MEGF11: variants seen among roughly 807,000 people sequenced by gnomAD.
MEGF11 encodes multiple EGF like domains 11.
In MEGF11, 126 loss-of-function variants were observed where a neutral mutation model predicts 146.6. That is an observed-to-expected ratio of 0.86 (90% confidence interval 0.74 to 1.00). MEGF11 has a LOEUF of 1.00. MEGF11 is among the 50% of genes least tolerant of loss of function. MEGF11 has a pLI of 0.00. For missense variants in MEGF11, 1,509 were observed against 1,521.2 expected, an observed-to-expected ratio of 0.99 and a Z score of 0.13; for synonymous variants, 532 against 583.4, an observed-to-expected ratio of 0.91 and a Z score of 1.27.
intron 1 of MEGF11, among the ~76,000 whole-genome samples, chr15:66,158,805 C>T (rs1400752549): frequency 1.3e-5 from 2 of 152,242 alleles, no homozygotes; most frequent in Admixed American, 1.3e-4. Flanking sequence ...CTTCCAAGGC[C>T]TGTTTCCATA....
chr15:66,161,164 G>T (rs143988595), intron 1 of MEGF11, among the ~76,000 whole-genome samples: 68 of 152,318 alleles, frequency 4.5e-4, no homozygotes, highest in Non-Finnish European at 8.1e-4. Context: ...GAAGTCAGAT[G>T]GGATCAGATG....
intron 5 of MEGF11, among the ~76,000 whole-genome samples, chr15:65,986,792 C>CTTTTTT (rs1491353062): frequency 4.3e-4 from 58 of 134,004 alleles, no homozygotes; most frequent in African/African-American, 1.4e-3. Flanking sequence ...GCTGATTTTT[C>CTTTTTT]CTTTTTTTTT....
intron 1 of MEGF11, among the ~76,000 whole-genome samples, chr15:66,133,320 GT>G (rs2088736744): frequency 6.6e-6 from 1 of 152,220 alleles, no homozygotes; most frequent in Non-Finnish European, 1.5e-5. Flanking sequence ...TGGGGACTGG[GT>G]GTTCCAGACG....
intron 1 of MEGF11, among the ~76,000 whole-genome samples, chr15:66,217,830 T>C (rs191391005): frequency 4.1e-4 from 63 of 152,254 alleles, no homozygotes; most frequent in Middle Eastern, 6.8e-3. Flanking sequence ...CCAGGAACCA[T>C]CCAGAAAGCT....
At chr15:66,203,239 A>G (rs2091214658) in intron 1 of MEGF11, among the ~76,000 whole-genome samples, 1 of 152,204 alleles carries the variant, frequency 6.6e-6, no homozygotes, top group Non-Finnish European at 1.5e-5. Flanking sequence ...GAGGTCGGAG[A>G]GCATCGGGCC....
intron 4 of MEGF11, among the ~76,000 whole-genome samples, chr15:66,111,206 C>G (rs1439323599): frequency 6.6e-6 from 1 of 152,150 alleles, no homozygotes; most frequent in African/African-American, 2.4e-5. Context: ...CAGGTGAAAG[C>G]GCCGGCTAAA....
intron 1 of MEGF11, among the ~76,000 whole-genome samples, chr15:66,152,765 G>A (rs1027404337): frequency 1.3e-5 from 2 of 152,250 alleles, no homozygotes; most frequent in East Asian, 1.9e-4. Context: ...GCACATGGCC[G>A]GATGGCAGTG....
rs373793085 is a variant in MEGF11 at position 65,915,547 on chromosome 15, A to G, written c.2396T>C (p.Met799Thr). Residue 799 changes from methionine (M) to threonine (T), a missense_variant, in exon 19 of 26, where the codon ATG (methionine) becomes ACG (threonine). Transcript: ENST00000395614. The stretch of plus-strand genomic sequence containing the variant: ...GACATGGTCACAGGTGGAGTTGTTC[A>G]TGCACTCACATAGCTGCTGACACCC... ...GYGCQQLCEC[M>T]NNSTCDHVTG... The G allele has an allele frequency of 1.9e-6, 3 of 1,613,818 alleles. No individual in the cohort carries two copies. The highest frequency in any genetic ancestry group is 1.3e-5 in the African/African-American group (1 of 74,908).
At chr15:66,153,302 C>T (rs1240801757) in intron 1 of MEGF11, among the ~76,000 whole-genome samples, 3 of 152,294 alleles carry the variant, frequency 2.0e-5, no homozygotes, top group East Asian at 3.9e-4. Flanking sequence ...GGGCCAGGCG[C>T]GGTGGCTCAC....
At chr15:66,047,141 C>T (rs1038998487) in intron 5 of MEGF11, among the ~76,000 whole-genome samples, 2 of 152,220 alleles carry the variant, frequency 1.3e-5, no homozygotes, top group Non-Finnish European at 2.9e-5. Flanking sequence ...AAACACCCTC[C>T]CCACAGATGA....
intron 5 of MEGF11, among the ~76,000 whole-genome samples, chr15:65,993,103 C>T (rs373686036): frequency 1.3e-5 from 2 of 152,202 alleles, no homozygotes; most frequent in Non-Finnish European, 2.9e-5. Context: ...CCTGCGCTCC[C>T]GGCAGGAGCA....
intron 5 of MEGF11, among the ~76,000 whole-genome samples, chr15:66,037,806 C>T (rs778750259): frequency 3.3e-5 from 5 of 152,220 alleles, no homozygotes; most frequent in African/African-American, 4.8e-5. Context: ...ACAATGTCCT[C>T]GCCAGTCTGG....
At chr15:66,178,411 A>C (rs1173245943) in intron 1 of MEGF11, among the ~76,000 whole-genome samples, 1 of 152,034 alleles carries the variant, frequency 6.6e-6, no homozygotes, top group Admixed American at 6.5e-5. Context: ...TCTAAATGAA[A>C]ACTTGCTCTT....
At position 65,897,682 on chromosome 15, in the gene MEGF11, C is replaced by G. The variant is rs1013624828; in HGVS notation, c.*252G>C. The stretch of plus-strand genomic sequence containing the variant: ...AGCTGATGTTGATGAGTAGCTGTAT[C>G]TTAAAATGTTTTAAAAATCATATAA... On this transcript the variant is annotated 3_prime_UTR_variant, in exon 26 of 26. Transcript: ENST00000395614. 1.3e-5 allele frequency: 4 copies of G among 312,844 alleles called. No homozygotes were observed. The Admixed American group carries it at 1.4e-4, about 11-fold the overall frequency. The allele number at this position is 312,844 out of a possible 1,614,324, so 19.4% of individuals were successfully genotyped here. A position where few individuals can be genotyped will look rare whatever the true frequency, so the allele number is the denominator to read the frequency against.
chr15:66,197,508 C>T (rs1448190414), intron 1 of MEGF11, among the ~76,000 whole-genome samples: 4 of 152,114 alleles, frequency 2.6e-5, no homozygotes, highest in Non-Finnish European at 2.9e-5. Flanking sequence ...CTACAACCTC[C>T]GCCTCCCGGG....
In MEGF11 at chr15:66,123,905, C is replaced by G; in HGVS notation, c.194G>C (p.Arg65Thr). 6.2e-7 allele frequency: 1 copy of G among 1,613,428 alleles called. No individual in the cohort carries two copies. Among genetic ancestry groups the G allele is most frequent in the South Asian group, 1.1e-5 (1 of 91,074 alleles). ...TDILNWFKCT[R>T]HRISYKTAYR... ...ATCTGAGAGAGGTACTCACCGGTGCCTGGTGCACTTGAACCAGTTGAGGAT... is the reference window on the plus strand; with the variant it reads ...ATCTGAGAGAGGTACTCACCGGTGCGTGGTGCACTTGAACCAGTTGAGGAT... Residue 65 changes from arginine (R) to threonine (T), a missense_variant, in exon 3 of 26, where the codon AGG becomes ACG. Coordinates refer to ENST00000395614, the MANE Select transcript of MEGF11 (RefSeq NM_001385028.1).
chr15:65,997,621 T>C (rs77671369), intron 5 of MEGF11, among the ~76,000 whole-genome samples: 10 of 152,382 alleles, frequency 6.6e-5, no homozygotes, highest in African/African-American at 2.4e-4. Flanking sequence ...TCCTTTTGTT[T>C]ACTGTCTGGG....
At chr15:65,922,158 T>TTAGG (rs2079191404) in intron 15 of MEGF11, 180 bp downstream of exon 15, 4 of 673,238 alleles carry the variant, frequency 5.9e-6, no homozygotes, top group Non-Finnish European at 1.0e-5. Flanking sequence ...GTTAACTGTG[T>TTAGG]TAGGGCCTTT....
intron 4 of MEGF11, 123 bp from the exon 5 acceptor site, chr15:66,094,617 ACTGGC>A: frequency 2.6e-6 from 2 of 770,558 alleles, no homozygotes; most frequent in Admixed American, 2.4e-5. Flanking sequence ...AGAACGCATG[ACTGGC>A]TTGGGGGGGA....
Sources: gnomAD v4.1 joint callset for allele counts (sites outside exome capture counted in the v4.1 genomes callset) on GRCh38, gnomAD v4.1.1 for gene constraint, MANE v1.5 for transcripts, NCBI Gene and HGNC (gene_info 2026-07-23, HGNC 2026-07-21) for gene names.